The following TGIF1 variants were observed in gnomAD, a reference collection of about 807,000 sequenced individuals.
TGIF1 encodes TGFB induced factor homeobox 1.
In TGIF1, 4 loss-of-function variants were observed where a neutral mutation model predicts 19.3. The observed-to-expected ratio is 0.21, with a 90% CI of 0.10 to 0.47. The LOEUF is 0.47. TGIF1 is among the 20% of genes least tolerant of loss of function. The pLI is 0.98. For synonymous variants in TGIF1, 122 were observed against 129.3 expected, an observed-to-expected ratio of 0.94 and a Z score of 0.38; for missense variants, 275 against 341.4, an observed-to-expected ratio of 0.81 and a Z score of 1.53.
chr18:3,450,581 A>G, intron 1 of TGIF1, 76 bp downstream of exon 1: 1 of 1,548,288 alleles, frequency 6.5e-7, no homozygotes, highest in Non-Finnish European at 8.7e-7. Flanking sequence ...CGCCGCGCGG[A>G]GTCACTTGGT....
chr18:3,445,751 A>AAAAAAG (rs2082734832), upstream of TGIF1, among the ~76,000 whole-genome samples: 1 of 126,382 alleles, frequency 7.9e-6, no homozygotes, highest in African/African-American at 3.1e-5. Context: ...AAAAAAAAAA[A>AAAAAAG]AAGAGAAGAA....
chr18:3,448,290 G>A, upstream of TGIF1: 2 of 985,346 alleles, frequency 2.0e-6, no homozygotes, highest in Non-Finnish European at 2.4e-6. Context: ...CTCCGCTCCC[G>A]GCTCCCCAGC....
Position 3,459,309 on chromosome 18 carries a change from A to G in TGIF1, c.*1369A>G, listed in dbSNP as rs2049453918. The stretch of plus-strand genomic sequence containing the variant: ...TTGTCTAATTTTGAAACTATTTTAG[A>G]AAGTCCCTACTGTAGAAAGAGCTAA... On this transcript the variant is annotated 3_prime_UTR_variant, in exon 3 of 3. Coordinates refer to ENST00000343820, the MANE Select transcript of TGIF1 (RefSeq NM_003244.4). 6.6e-6 allele frequency: 1 copy of G among 152,208 alleles called. No homozygotes were observed. The highest frequency in any genetic ancestry group is 2.4e-5 in the African/African-American group (1 of 41,450). 9.4% of individuals were successfully genotyped at this position (152,208 alleles called of 1,614,324 possible). A position where few individuals can be genotyped will look rare whatever the true frequency, so the allele number is the denominator to read the frequency against.
At position 3,450,393 on chromosome 18, in the gene TGIF1, A is replaced by G. The variant is rs1409923680; in HGVS notation, c.-97A>G. 6.5e-7 allele frequency: 1 copy of G among 1,545,696 alleles called. No homozygotes were observed. The highest frequency in any genetic ancestry group is 1.2e-5 in the South Asian group (1 of 83,542). On this transcript the variant is annotated 5_prime_UTR_variant, in exon 1 of 3. Coordinates refer to ENST00000343820, the MANE Select transcript of TGIF1 (RefSeq NM_003244.4). ...GAGCACGTCCTACAAGTTACGGGAG[A>G]GTCGGCTGTGAAGGAGACGTTCGCT...
chr18:3,424,645 G>C (rs1408400165), intron 2 of TGIF1, among the ~76,000 whole-genome samples: 1 of 152,160 alleles, frequency 6.6e-6, no homozygotes, highest in Non-Finnish European at 1.5e-5. Context: ...TGGATTAGAG[G>C]GTAGGAACTT....
chr18:3,450,579 G>A, intron 1 of TGIF1, 74 bp downstream of exon 1: 4 of 1,548,596 alleles, frequency 2.6e-6, no homozygotes, highest in Non-Finnish European at 3.5e-6. Context: ...CGCGCCGCGC[G>A]GAGTCACTTG....
chr18:3,421,112 A>G lies in TGIF1; in HGVS notation c.-45+2897A>G, dbSNP rs149371507. Among the ~76,000 whole-genome samples the G allele has an allele frequency of 3.3e-5, 5 of 152,174 alleles. No individual in the cohort carries two copies. The East Asian group carries it at 7.7e-4, about 24-fold the overall frequency. On this transcript the variant is annotated intron_variant, in intron 2 of 3. Transcript: ENST00000401449. ...AAAGCTGTCCTAACTTTGTGGTGCA[A>G]CACATTATTCACATGTTTGTGGTGA...
Position 3,457,940 on chromosome 18 carries a change from AC to A in TGIF1, c.*3del, listed in dbSNP as rs1247279748. 1 of 1,599,842 alleles carries A rather than the reference AC, an allele frequency of 6.3e-7. No individual in the cohort carries two copies. Among genetic ancestry groups the A allele is most frequent in the Non-Finnish European group, 8.5e-7 (1 of 1,179,870 alleles). On this transcript the variant is annotated 3_prime_UTR_variant, in exon 3 of 3. Coordinates refer to ENST00000343820, the MANE Select transcript of TGIF1 (RefSeq NM_003244.4). The surrounding 1 kb of genome is among the most constrained non-coding windows in gnomAD (Gnocchi z 4.9). ...AGCTTCAGGCAAAACTTACAGCTTA[AC>A]CCATTTTCAAGCAAAACAGTTCTCA...
chr18:3,439,686 G>A (rs957904979), intron 2 of TGIF1, among the ~76,000 whole-genome samples: 1 of 151,868 alleles, frequency 6.6e-6, no homozygotes, highest in African/African-American at 2.4e-5. Flanking sequence ...ACTAGTAGAC[G>A]TGTGTGAATT....
chr18:3,441,831 TTTC>T (rs747334181), intron 2 of TGIF1, among the ~76,000 whole-genome samples: 1 of 152,208 alleles, frequency 6.6e-6, no homozygotes, highest in Non-Finnish European at 1.5e-5. Context: ...CTCCTTATTG[TTTC>T]TTCTTTATTA....
rs564048729 is a variant in TGIF1, at chr18:3,451,674, T to G, written c.16+1169T>G. 2.6e-5 allele frequency: 30 copies of G among 1,169,916 alleles called. No individual in the cohort carries two copies. In the East Asian group the frequency reaches 1.1e-3, roughly 43 times the overall value. 72.5% of individuals were successfully genotyped at this position (1,169,916 alleles called of 1,614,324 possible). A position where few individuals can be genotyped will look rare whatever the true frequency, so the allele number is the denominator to read the frequency against. On this transcript the variant is annotated intron_variant, in intron 1 of 2. Coordinates refer to ENST00000343820, the MANE Select transcript of TGIF1 (RefSeq NM_003244.4). The surrounding 1 kb of genome is among the most constrained non-coding windows in gnomAD (Gnocchi z 5.4). ...AGCGGGGTTCCTTCGGCTGCGTTTCTGTGGGAGGCCCTGAAACGCGCGGAG... is the reference window on the plus strand; with the variant it reads ...AGCGGGGTTCCTTCGGCTGCGTTTCGGTGGGAGGCCCTGAAACGCGCGGAG...
intron 1 of TGIF1, among the ~76,000 whole-genome samples, chr18:3,414,422 A>G (rs2082305372): frequency 6.6e-6 from 1 of 152,192 alleles, no homozygotes; most frequent in African/African-American, 2.4e-5. Context: ...CATGATCCAC[A>G]TGTTTCAAAC....
At chr18:3,447,553 A>G, upstream of TGIF1, 1 of 716,536 alleles carries the variant, frequency 1.4e-6, no homozygotes, top group Non-Finnish European at 2.5e-6. Flanking sequence ...CGCTGACCCT[A>G]GGCACTTTCT....
chr18:3,456,350 C>G lies in TGIF1; in HGVS notation c.17-4C>G. ...ACTGACAACTGGCCCTTGTCCTTTC[C>G]TAGGTATTGTTGCAGCATCTGGCAG... is the stretch of plus-strand genomic sequence containing the variant. On this transcript the variant is annotated splice_polypyrimidine_tract_variant and splice_region_variant and intron_variant, in intron 1 of 2. Transcript: ENST00000343820. This position sits in a 1 kb window ranked among gnomAD's most constrained non-coding sequence, Gnocchi z 4.2. The G allele has an allele frequency of 6.2e-7, 1 of 1,614,046 alleles. No individual in the cohort carries two copies.
In TGIF1 at chr18:3,459,696, C is replaced by T. The variant is rs2049462151; in HGVS notation, c.*1756C>T. Reference sequence around the variant, plus strand: ...TGCCCTGTTACGGTGTTTCATCACTCATACTGGAAGGAGAAGGAAAGGAGC... The same window carrying T: ...TGCCCTGTTACGGTGTTTCATCACTTATACTGGAAGGAGAAGGAAAGGAGC... On this transcript the variant is annotated 3_prime_UTR_variant, in exon 3 of 3. Transcript: ENST00000343820. 1 of 152,106 alleles carries T rather than the reference C, an allele frequency of 6.6e-6. No individual in the cohort carries two copies. Among genetic ancestry groups the T allele is most frequent in the Admixed American group, 6.5e-5 (1 of 15,280 alleles). The allele number at this position is 152,106 out of a possible 1,614,324, so 9.4% of individuals were successfully genotyped here.
intron 2 of TGIF1, among the ~76,000 whole-genome samples, chr18:3,429,007 C>T (rs866350297): frequency 3.3e-5 from 5 of 152,044 alleles, no homozygotes; most frequent in South Asian, 2.1e-4. Flanking sequence ...GAGCCGAGAT[C>T]GCGCCACTGC....
chr18:3,415,049 GCCT>G (rs1195907574), intron 1 of TGIF1: 1 of 152,882 alleles, frequency 6.5e-6, no homozygotes, highest in Admixed American at 6.5e-5. Context: ...TTACTTATTG[GCCT>G]CCTTCTCCTC....
Position 3,451,431 on chromosome 18 carries a change from C to A in TGIF1, c.16+926C>A, listed in dbSNP as rs955243813. On this transcript the variant is annotated intron_variant, in intron 1 of 2. Coordinates refer to ENST00000343820, the MANE Select transcript of TGIF1 (RefSeq NM_003244.4). This position sits in a 1 kb window ranked among gnomAD's most constrained non-coding sequence, Gnocchi z 5.4. ...TTTTGAAGTTAACAAAAATTGAGTC[C>A]CTGGCTGGGAGGTCCCCCGAGTGTT... 1 of 985,288 alleles carries A rather than the reference C, an allele frequency of 1.0e-6. No homozygotes were observed. Among genetic ancestry groups the A allele is most frequent in the Non-Finnish European group, 1.2e-6 (1 of 829,942 alleles). 61.0% of individuals were successfully genotyped at this position (985,288 alleles called of 1,614,324 possible).
chr18:3,432,281 C>A (rs1177655283), intron 2 of TGIF1, among the ~76,000 whole-genome samples: 3 of 152,120 alleles, frequency 2.0e-5, no homozygotes, highest in East Asian at 3.8e-4. Context: ...ACTTTACTTT[C>A]AAAAATGCCA....
Sources: allele counts gnomAD v4.1 joint callset (sites outside exome capture counted in the v4.1 genomes callset), GRCh38; gene constraint gnomAD v4.1.1; non-coding constraint Gnocchi (gnomAD v3.1); transcripts MANE v1.5; gene names NCBI Gene and HGNC (gene_info 2026-07-23, HGNC 2026-07-21).